CPNE8: variants seen among roughly 807,000 people sequenced by gnomAD.
The protein encoded by CPNE8 is copine 8.
Under a neutral mutation model 81.5 loss-of-function variants are expected in CPNE8, and 45 were observed. The observed-to-expected ratio is 0.55, with a 90% confidence interval of 0.44 to 0.71. The LOEUF (loss-of-function observed/expected upper bound fraction) is 0.71. CPNE8 is among the 30% of genes least tolerant of loss of function. The pLI, the probability that CPNE8 is intolerant of heterozygous loss-of-function variation, is 0.00. For synonymous variants in CPNE8, 252 were observed against 226.3 expected, an observed-to-expected ratio of 1.11 and a Z score of -1.02; for missense variants, 594 against 672.1, an observed-to-expected ratio of 0.88 and a Z score of 1.28.
chr12:38,726,045 G>T (rs1940688503), intron 11 of CPNE8, among the ~76,000 whole-genome samples: 1 of 152,064 alleles, frequency 6.6e-6, no homozygotes, highest in South Asian at 2.1e-4. Flanking sequence ...AGCTCAGGCA[G>T]TAATGCTCCC....
At chr12:38,667,688 C>T (rs1160524690) in intron 19 of CPNE8, among the ~76,000 whole-genome samples, 1 of 152,200 alleles carries the variant, frequency 6.6e-6, no homozygotes, top group African/African-American at 2.4e-5. Context: ...TTCAACTTTA[C>T]ATGGCAGAAT....
chr12:38,863,962 G>A (rs759882572), intron 3 of CPNE8, among the ~76,000 whole-genome samples: 9 of 151,708 alleles, frequency 5.9e-5, no homozygotes, highest in Non-Finnish European at 8.8e-5. Flanking sequence ...GCTGAGGCAG[G>A]AGAATGGTGT....
chr12:38,826,703 A>G (rs984006873), intron 6 of CPNE8, among the ~76,000 whole-genome samples: 3 of 152,102 alleles, frequency 2.0e-5, no homozygotes, highest in Non-Finnish European at 4.4e-5. Context: ...CAATCAACAC[A>G]TTATAATAAT....
intron 13 of CPNE8, among the ~76,000 whole-genome samples, 178 bp downstream of exon 13, chr12:38,723,594 A>G (rs1482357952): frequency 6.6e-6 from 1 of 152,210 alleles, no homozygotes; most frequent in Non-Finnish European, 1.5e-5. Flanking sequence ...ATTTGCCCCA[A>G]AAGTAATAGC....
chr12:38,685,083 A>C (rs1939503725), intron 16 of CPNE8, among the ~76,000 whole-genome samples: 1 of 152,198 alleles, frequency 6.6e-6, no homozygotes, highest in Non-Finnish European at 1.5e-5. Context: ...TGACAGCTTC[A>C]AGTAGTCATC....
chr12:38,782,277 G>A (rs992313295), intron 6 of CPNE8, among the ~76,000 whole-genome samples: 1 of 152,204 alleles, frequency 6.6e-6, no homozygotes, highest in Admixed American at 6.5e-5. Flanking sequence ...ACGATTTCAC[G>A]TTAAAAGAGA....
intron 6 of CPNE8, among the ~76,000 whole-genome samples, chr12:38,828,839 A>G (rs1280388350): frequency 6.6e-6 from 1 of 152,176 alleles, no homozygotes; most frequent in Admixed American, 6.5e-5. Context: ...ACTGGAGGAA[A>G]CAGAATCAAC....
intron 3 of CPNE8, among the ~76,000 whole-genome samples, chr12:38,871,461 G>A (rs1943990526): frequency 6.6e-6 from 1 of 152,134 alleles, no homozygotes; most frequent in Non-Finnish European, 1.5e-5. Flanking sequence ...TTTGAGAAAG[G>A]GAACTCTGGA....
At chr12:38,790,515 C>T (rs75713428) in intron 6 of CPNE8, among the ~76,000 whole-genome samples, 2,023 of 151,512 alleles carry the variant, frequency 0.013, 49 homozygotes, top group African/African-American at 0.045. Flanking sequence ...TTAGAAATAA[C>T]GAAATGAGAC....
At chr12:38,817,614 C>CTTTTTTTTTTTT (rs869168296) in intron 6 of CPNE8, among the ~76,000 whole-genome samples, 9 of 90,610 alleles carry the variant, frequency 9.9e-5, no homozygotes, top group South Asian at 4.4e-4. Context: ...TTAATTTATT[C>CTTTTTTTTTTTT]TTTTTTTTTT....
intron 3 of CPNE8, among the ~76,000 whole-genome samples, chr12:38,860,316 A>T (rs1244704566): frequency 6.6e-6 from 1 of 150,658 alleles, no homozygotes; most frequent in Non-Finnish European, 1.5e-5. Flanking sequence ...CAACATCACT[A>T]ATCATTGGAG....
rs182830280 is a variant in CPNE8 at position 38,855,676 on chromosome 12, T to C, written c.187-7014A>G. 2.1e-3 allele frequency among the ~76,000 whole-genome samples: 318 copies of C among 152,238 alleles called. 2 individuals are homozygous for C. Among genetic ancestry groups the C allele is most frequent in the African/African-American group, 5.2e-3 (215 of 41,574 alleles). ...CTACTGTAGAAAAAAGTGACTATAA[T>C]AATAATGCACTGTATATTTCAAAAT... is the stretch of plus-strand genomic sequence containing the variant. On this transcript the variant is annotated intron_variant, in intron 3 of 19. Transcript: ENST00000331366.
At chr12:38,796,690 G>A (rs763971479) in intron 6 of CPNE8, among the ~76,000 whole-genome samples, 3 of 152,132 alleles carry the variant, frequency 2.0e-5, no homozygotes, top group Non-Finnish European at 4.4e-5. Context: ...GCCACACAGT[G>A]GGCGCAGGAC....
At chr12:38,813,068 A>G (rs1395087099) in intron 6 of CPNE8, among the ~76,000 whole-genome samples, 1 of 152,214 alleles carries the variant, frequency 6.6e-6, no homozygotes, top group Non-Finnish European at 1.5e-5. Context: ...GTTTAGGAAT[A>G]TGAGAATAAA....
chr12:38,708,002 T>C (rs996702385), intron 13 of CPNE8, among the ~76,000 whole-genome samples: 4 of 152,206 alleles, frequency 2.6e-5, no homozygotes, highest in African/African-American at 4.8e-5. Flanking sequence ...ATGACAAAGA[T>C]AGCACAGCAT....
chr12:38,823,228 G>A (rs1299316694), intron 6 of CPNE8, among the ~76,000 whole-genome samples: 1 of 152,080 alleles, frequency 6.6e-6, no homozygotes, highest in East Asian at 1.9e-4. Context: ...TTATTCTGAA[G>A]CTTCCTTTCT....
Position 38,837,101 on chromosome 12 carries a change from C to T in CPNE8, c.330+2815G>A, listed in dbSNP as rs185138342. Among the ~76,000 whole-genome samples the T allele has an allele frequency of 4.6e-3, 699 of 151,950 alleles. 5 individuals are homozygous for T. The highest frequency in any genetic ancestry group is 4.4e-3 in the Non-Finnish European group (300 of 67,948). On this transcript the variant is annotated intron_variant, in intron 5 of 19. Transcript: ENST00000331366. Reference sequence around the variant, plus strand: ...TATAAATCATGGGACCTACAGGAGACGATGCAATATATCGGTAGAAAAGTA... The same window carrying T: ...TATAAATCATGGGACCTACAGGAGATGATGCAATATATCGGTAGAAAAGTA...
In CPNE8 at chr12:38,822,760, T is replaced by C. The variant is rs183457038; in HGVS notation, c.407+6619A>G. Among the ~76,000 whole-genome samples, 1,428 of 151,642 alleles carry C rather than the reference T, an allele frequency of 9.4e-3. 20 individuals carry two copies. Among genetic ancestry groups the C allele is most frequent in the South Asian group, 0.041 (195 of 4,812 alleles). On this transcript the variant is annotated intron_variant, in intron 6 of 19. Transcript: ENST00000331366. ...AAATTCTTATTACAAATGTGACCCA[T>C]AGACATAAAAAAAAGTATAGATGTA...
At chr12:38,656,120 C>CA (rs1050517889) in intron 19 of CPNE8, among the ~76,000 whole-genome samples, 6 of 145,076 alleles carry the variant, frequency 4.1e-5, no homozygotes, top group African/African-American at 7.6e-5. Context: ...AAACAAAAAA[C>CA]AAAAAAAACA....
Sources: gnomAD v4.1 joint callset for allele counts (sites outside exome capture counted in the v4.1 genomes callset) on GRCh38, gnomAD v4.1.1 for gene constraint, MANE v1.5 for transcripts, NCBI Gene and HGNC (gene_info 2026-07-23, HGNC 2026-07-21) for gene names.